NR3C1: variants seen among roughly 807,000 people sequenced by gnomAD.
NR3C1 encodes glucocorticoid receptor.
In NR3C1, 14 loss-of-function variants were observed where a neutral mutation model predicts 74.0. That is an observed-to-expected ratio of 0.19 (90% CI 0.12 to 0.30). NR3C1 has a LOEUF of 0.30. Among genes scored for constraint, NR3C1 ranks in the 10% least tolerant of loss-of-function variants. The pLI, the probability that NR3C1 is intolerant of heterozygous loss-of-function variation, is 1.00. For synonymous variants in NR3C1, 308 were observed against 332.5 expected (o/e 0.93, Z 0.80); for missense variants, 695 against 909.8 (o/e 0.76, Z 3.04).
chr5:143,324,614 C>T (rs1233041632), intron 2 of NR3C1, among the ~76,000 whole-genome samples: 1 of 152,206 alleles, frequency 6.6e-6, no homozygotes, highest in Non-Finnish European at 1.5e-5. Flanking sequence ...TAACATTAGG[C>T]TCCTTGCTAC....
intron 2 of NR3C1, among the ~76,000 whole-genome samples, chr5:143,399,269 T>C (rs765162353): frequency 5.9e-5 from 9 of 152,356 alleles, no homozygotes; most frequent in Middle Eastern, 3.4e-3. Flanking sequence ...GTATCATTTA[T>C]TGTAATATAA....
chr5:143,296,675 CTGTT>C (rs891457865), intron 6 of NR3C1, among the ~76,000 whole-genome samples: 6 of 152,268 alleles, frequency 3.9e-5, no homozygotes, highest in African/African-American at 1.4e-4. Flanking sequence ...CCATGAGAGA[CTGTT>C]TGACAGCTCT....
At chr5:143,339,345 C>T (rs1827776783) in intron 2 of NR3C1, among the ~76,000 whole-genome samples, 1 of 152,178 alleles carries the variant, frequency 6.6e-6, no homozygotes. Context: ...TCTACATTTT[C>T]TCTTTCTAGA....
chr5:143,402,943 C>A (rs1448677576), intron 1 of NR3C1: 2 of 769,422 alleles, frequency 2.6e-6, no homozygotes, highest in Non-Finnish European at 1.6e-6. Flanking sequence ...CCCGGCAGTT[C>A]GACAGGGCTC....
chr5:143,319,599 T>C (rs927720555), intron 2 of NR3C1, among the ~76,000 whole-genome samples: 2 of 152,112 alleles, frequency 1.3e-5, no homozygotes, highest in Non-Finnish European at 2.9e-5. Context: ...TAGGAGACAT[T>C]TGGCAGTGTC....
chr5:143,422,920 C>G (rs910233469), intron 1 of NR3C1, among the ~76,000 whole-genome samples: 1 of 152,154 alleles, frequency 6.6e-6, no homozygotes, highest in Admixed American at 6.5e-5. Flanking sequence ...TACTTTCTCA[C>G]CTGGCCTTTC....
intron 3 of NR3C1, among the ~76,000 whole-genome samples, chr5:143,311,599 T>C (rs1399098989): frequency 1.3e-5 from 2 of 152,204 alleles, no homozygotes; most frequent in Non-Finnish European, 2.9e-5. Context: ...CATGGCCACG[T>C]ACAACTAATA....
At chr5:143,392,339 G>A (rs187145670) in intron 2 of NR3C1, among the ~76,000 whole-genome samples, 34 of 152,260 alleles carry the variant, frequency 2.2e-4, no homozygotes, top group Admixed American at 5.9e-4. Flanking sequence ...CTATTTTACA[G>A]AAATTGAAAC....
At chr5:143,285,181 G>A (rs914342065) in intron 7 of NR3C1, among the ~76,000 whole-genome samples, 1 of 152,138 alleles carries the variant, frequency 6.6e-6, no homozygotes, top group East Asian at 1.9e-4. Flanking sequence ...TGCATACTTA[G>A]GGTGAAATCC....
intron 1 of NR3C1, among the ~76,000 whole-genome samples, chr5:143,428,234 G>T (rs1051714304): frequency 2.6e-5 from 4 of 152,110 alleles, no homozygotes; most frequent in African/African-American, 9.7e-5. Flanking sequence ...CTGCCTCCTG[G>T]TCTTTCCCTG....
At chr5:143,424,169 A>G (rs1269649720) in intron 1 of NR3C1, among the ~76,000 whole-genome samples, 2 of 152,064 alleles carry the variant, frequency 1.3e-5, no homozygotes, top group Non-Finnish European at 2.9e-5. Flanking sequence ...ATATGTAACT[A>G]ACCTGCACAT....
chr5:143,373,201 C>A (rs1834526974), intron 2 of NR3C1, among the ~76,000 whole-genome samples: 1 of 152,030 alleles, frequency 6.6e-6, no homozygotes, highest in African/African-American at 2.4e-5. Context: ...TCTAGTTATT[C>A]AATTTCTAGG....
chr5:143,373,482 G>C (rs1156610812), intron 2 of NR3C1, among the ~76,000 whole-genome samples: 1 of 151,964 alleles, frequency 6.6e-6, no homozygotes, highest in African/African-American at 2.4e-5. Context: ...GGCTAGGGGA[G>C]GGATAGCATT....
chr5:143,278,579 G>A lies in NR3C1; in HGVS notation c.*3310C>T, dbSNP rs981419878. 1 of 151,968 alleles carries A rather than the reference G, an allele frequency of 6.6e-6. No homozygotes were observed. Among genetic ancestry groups the A allele is most frequent in the East Asian group, 1.9e-4 (1 of 5,190 alleles). 9.4% of individuals were successfully genotyped at this position (151,968 alleles called of 1,614,324 possible). A position where few individuals can be genotyped will look rare whatever the true frequency, so the allele number is the denominator to read the frequency against. On this transcript the variant is annotated 3_prime_UTR_variant, in exon 9 of 9. Coordinates refer to ENST00000394464, the MANE Select transcript of NR3C1 (RefSeq NM_000176.3). ...TATTTCCCTTCTGACACTAAAACCA[G>A]ACACACACACACAAAAACACATTCA...
chr5:143,284,852 A>G (rs146857785), intron 7 of NR3C1, among the ~76,000 whole-genome samples: 1 of 152,260 alleles, frequency 6.6e-6, no homozygotes, highest in Non-Finnish European at 1.5e-5. Context: ...GCTTGAAAGT[A>G]ATTATCATAC....
intron 1 of NR3C1, among the ~76,000 whole-genome samples, chr5:143,413,699 G>A (rs1841380162): frequency 6.6e-6 from 1 of 152,112 alleles, no homozygotes; most frequent in Non-Finnish European, 1.5e-5. Context: ...CCTGGGAGGG[G>A]TTTCACTGGT....
chr5:143,297,154 A>T (rs1817482522), intron 6 of NR3C1, among the ~76,000 whole-genome samples: 1 of 152,034 alleles, frequency 6.6e-6, no homozygotes, highest in East Asian at 1.9e-4. Flanking sequence ...GAACACAAGA[A>T]TAGGAAGTAC....
intron 2 of NR3C1, chr5:143,332,973 A>G (rs993892359): frequency 6.3e-7 from 1 of 1,587,030 alleles, no homozygotes; most frequent in African/African-American, 1.3e-5. Flanking sequence ...TGGACAAGCC[A>G]AGGTCAAGAA....
At chr5:143,334,725 G>GA (rs141410226) in intron 2 of NR3C1, among the ~76,000 whole-genome samples, 26,382 of 133,824 alleles carry the variant, frequency 0.2, 2,734 homozygotes, top group Middle Eastern at 0.31. Flanking sequence ...TCTCTGCTGT[G>GA]AAAAAAAAAA....
Sources: gnomAD v4.1 joint callset for allele counts (sites outside exome capture counted in the v4.1 genomes callset) on GRCh38, gnomAD v4.1.1 for gene constraint, MANE v1.5 for transcripts, NCBI Gene and HGNC (gene_info 2026-07-23, HGNC 2026-07-21) for gene names.